The following UBE3A variants were observed in gnomAD, a reference collection of about 807,000 sequenced individuals.
The protein encoded by UBE3A is ubiquitin-protein ligase E3A.
In UBE3A, 6 loss-of-function variants were observed where a neutral mutation model predicts 83.4. The observed-to-expected ratio is 0.07, with a 90% confidence interval of 0.04 to 0.14. UBE3A has a LOEUF of 0.14. Among genes scored for constraint, UBE3A ranks in the 10% least tolerant of loss-of-function variants. The pLI is 1.00. For missense variants in UBE3A, 456 were observed against 1,036.1 expected (o/e 0.44, Z 7.69); for synonymous variants, 337 against 355.4 (o/e 0.95, Z 0.58).
chr15:25,375,840 A>C, intron 4 of UBE3A, 77 bp from the exon 5 acceptor site: 1 of 1,554,910 alleles, frequency 6.4e-7, no homozygotes, highest in Non-Finnish European at 8.7e-7. Context: ...TCATCAAGGC[A>C]AAAGTTAGTC....
Position 25,370,773 on chromosome 15 carries a change from T to C in UBE3A, c.1401A>G (p.Glu467=), listed in dbSNP as rs773872971. ...MDKDYTFFKV[E]TENKFSFMTC... Reference sequence around the variant, plus strand: ...TCATAAAAGAGAATTTGTTCTCTGTTTCTACTTTGAAAAAAGTATAATCTT... The same window carrying C: ...TCATAAAAGAGAATTTGTTCTCTGTCTCTACTTTGAAAAAAGTATAATCTT... The change falls in exon 6 of 13, where the codon GAA becomes GAG. Residue 467 remains glutamate, a synonymous_variant. Transcript: ENST00000648336. The surrounding 1 kb of genome is among the most constrained non-coding windows in gnomAD (Gnocchi z 4.2). The C allele has an allele frequency of 7.4e-6, 12 of 1,614,002 alleles. No individual in the cohort carries two copies. In the African/African-American group the frequency reaches 1.5e-4, roughly 20 times the overall value.
chr15:25,390,541 A>G (rs2084103002), intron 4 of UBE3A, among the ~76,000 whole-genome samples: 1 of 152,206 alleles, frequency 6.6e-6, no homozygotes, highest in South Asian at 2.1e-4. Flanking sequence ...AAAGGGCTAT[A>G]TACTGTATGA....
At chr15:25,421,245 G>T (rs151163822) in intron 1 of UBE3A, among the ~76,000 whole-genome samples, 36 of 152,174 alleles carry the variant, frequency 2.4e-4, no homozygotes, top group Admixed American at 9.2e-4. Context: ...CATATGACAC[G>T]CCTGCTCCCC....
chr15:25,348,586 T>C (rs2076055149), intron 11 of UBE3A, among the ~76,000 whole-genome samples: 1 of 152,274 alleles, frequency 6.6e-6, no homozygotes, highest in South Asian at 2.1e-4. Flanking sequence ...CCCTATGAAA[T>C]CTACTAAATA....
intron 6 of UBE3A, among the ~76,000 whole-genome samples, chr15:25,367,236 TATG>T (rs1566941454): frequency 1.6e-3 from 124 of 78,382 alleles, no homozygotes; most frequent in South Asian, 4.8e-3. Flanking sequence ...TATTTGTAAA[TATG>T]TAAATATTTG....
intron 1 of UBE3A, among the ~76,000 whole-genome samples, chr15:25,417,572 T>C (rs1567146070): frequency 1.3e-5 from 2 of 151,990 alleles, no homozygotes; most frequent in Non-Finnish European, 2.9e-5. Context: ...CTATTACAAA[T>C]ATGCTCAAGA....
chr15:25,408,326 T>A, intron 3 of UBE3A: 1 of 443,232 alleles, frequency 2.3e-6, no homozygotes, highest in Non-Finnish European at 4.1e-6. Flanking sequence ...TTGCTGGAAG[T>A]AAGAATCCTG....
At chr15:25,364,641 G>GGTT (rs1555395585) in intron 6 of UBE3A, among the ~76,000 whole-genome samples, 1 of 132,484 alleles carries the variant, frequency 7.5e-6, no homozygotes, top group African/African-American at 3.1e-5. Context: ...GGTTTTTTTT[G>GGTT]TTTGTTTTTT....
chr15:25,367,677 T>G lies in UBE3A; in HGVS notation c.1608+2889A>C, dbSNP rs113214826. On this transcript the variant is annotated intron_variant, in intron 6 of 12. Coordinates refer to ENST00000648336, the MANE Select transcript of UBE3A (RefSeq NM_130839.5). ...TGGTATTTTTCTGTCTTAGCAGTAA[T>G]AAAATGATAGTGTTTCCTACAATCA... Among the ~76,000 whole-genome samples, 307 of 152,198 alleles carry G rather than the reference T, an allele frequency of 2.0e-3. 2 individuals carry two copies. The highest frequency in any genetic ancestry group is 7.0e-3 in the African/African-American group (291 of 41,558).
At chr15:25,348,082 C>T (rs1161984021) in intron 11 of UBE3A, among the ~76,000 whole-genome samples, 1 of 151,308 alleles carries the variant, frequency 6.6e-6, no homozygotes, top group Non-Finnish European at 1.5e-5. Context: ...AGATTCAGAG[C>T]AAAGAAAATC....
intron 1 of UBE3A, among the ~76,000 whole-genome samples, chr15:25,413,612 A>G (rs2090384064): frequency 6.6e-6 from 1 of 152,156 alleles, no homozygotes; most frequent in Non-Finnish European, 1.5e-5. Context: ...CTTTCAAATA[A>G]TACTTGCAAC....
intron 5 of UBE3A, 83 bp downstream of exon 5, chr15:25,375,381 GA>G: frequency 6.7e-7 from 1 of 1,493,370 alleles, no homozygotes; most frequent in Non-Finnish European, 9.0e-7. Flanking sequence ...TGTCACAGAA[GA>G]AAAAACAAAT....
intron 4 of UBE3A, among the ~76,000 whole-genome samples, chr15:25,399,346 T>A (rs926463492): frequency 7.9e-5 from 12 of 152,154 alleles, no homozygotes; most frequent in Non-Finnish European, 5.9e-5. Flanking sequence ...GGTCTTATAT[T>A]TAAGACCTTA....
At chr15:25,341,668 C>A (rs908115964) in intron 11 of UBE3A, among the ~76,000 whole-genome samples, 1 of 144,402 alleles carries the variant, frequency 6.9e-6, no homozygotes, top group Non-Finnish European at 1.5e-5. Context: ...GAGGCCAAGG[C>A]AGAAGAATTG....
chr15:25,401,336 C>T (rs1340934815), intron 4 of UBE3A, among the ~76,000 whole-genome samples: 1 of 152,132 alleles, frequency 6.6e-6, no homozygotes, highest in African/African-American at 2.4e-5. Context: ...TTTGAAATTA[C>T]TCCCTCTTCT....
At chr15:25,409,246 T>C (rs1259035786) in intron 2 of UBE3A, 39 bp from the exon 3 acceptor site, 2 of 653,914 alleles carry the variant, frequency 3.1e-6, no homozygotes, top group African/African-American at 3.6e-5. Context: ...AACACTTTAA[T>C]ATATAAACCC....
intron 3 of UBE3A, chr15:25,406,971 A>G: frequency 1.4e-6 from 1 of 700,038 alleles, no homozygotes; most frequent in South Asian, 2.2e-5. Flanking sequence ...AAACTGGGGC[A>G]TGCTGGAGGT....
intron 6 of UBE3A, among the ~76,000 whole-genome samples, chr15:25,367,476 G>C (rs1449150807): frequency 6.6e-6 from 1 of 151,950 alleles, no homozygotes; most frequent in African/African-American, 2.4e-5. Flanking sequence ...CTGAAAATAA[G>C]TCCTAGGGGA....
intron 4 of UBE3A, among the ~76,000 whole-genome samples, chr15:25,378,576 T>C (rs968807761): frequency 1.3e-5 from 2 of 152,032 alleles, no homozygotes; most frequent in Non-Finnish European, 2.9e-5. Flanking sequence ...AAGAGAGAAA[T>C]AGAACTGGAG....
Sources: allele counts gnomAD v4.1 joint callset (sites outside exome capture counted in the v4.1 genomes callset), GRCh38; gene constraint gnomAD v4.1.1; non-coding constraint Gnocchi (gnomAD v3.1); transcripts MANE v1.5; gene names NCBI Gene and HGNC (gene_info 2026-07-23, HGNC 2026-07-21).